The following HYAL4 variants were observed in gnomAD, a reference collection of about 807,000 sequenced individuals.
HYAL4 encodes the protein hyaluronidase-4.
A neutral mutation model predicts 35.2 loss-of-function variants in HYAL4; 37 were observed. The observed-to-expected ratio is 1.05, with a 90% CI of 0.81 to 1.38. The LOEUF is 1.38. Among genes scored for constraint, HYAL4 ranks in the 40% most tolerant of loss-of-function variants. The probability of loss-of-function intolerance (pLI) is 0.00; values close to 1 mark genes in which losing one functional copy is unlikely to be tolerated. For missense variants in HYAL4, 572 were observed against 572.4 expected (o/e 1.00, Z 0.01); for synonymous variants, 198 against 203.2 (o/e 0.97, Z 0.22).
chr7:123,765,212 T>A, the HYAL4 span, among the ~76,000 whole-genome samples: 1 of 151,938 alleles, frequency 6.6e-6, no homozygotes, highest in African/African-American at 2.4e-5. Flanking sequence ...ATAAAAAAAA[T>A]TGTCACTCTG....
intron 4 of HYAL4, 118 bp downstream of exon 4, chr7:123,874,968 G>A (rs1219533871): frequency 6.1e-6 from 4 of 657,778 alleles, no homozygotes; most frequent in Non-Finnish European, 1.1e-5. Flanking sequence ...TTCCAAATCA[G>A]TGCCTGATAC....
the HYAL4 span, among the ~76,000 whole-genome samples, chr7:123,784,471 A>C: frequency 0.25 from 38,589 of 152,092 alleles, 5,223 homozygotes; most frequent in Middle Eastern, 0.35. Context: ...AGCTGCTGAC[A>C]CAGAGTCCTT....
the HYAL4 span, among the ~76,000 whole-genome samples, chr7:123,789,388 C>T: frequency 6.6e-6 from 1 of 152,102 alleles, no homozygotes. Context: ...TGGACAAGGG[C>T]TGACTGGGGA....
the HYAL4 span, among the ~76,000 whole-genome samples, chr7:123,784,743 A>T: frequency 6.6e-6 from 1 of 152,204 alleles, no homozygotes; most frequent in Non-Finnish European, 1.5e-5. Context: ...ATCTGCTTTT[A>T]TTTGAATTTG....
the HYAL4 span, chr7:123,814,765 A>G: frequency 5.2e-5 from 8 of 152,660 alleles, no homozygotes; most frequent in African/African-American, 1.7e-4. Flanking sequence ...ATCTCTATCC[A>G]GACTGCTACA....
At chr7:123,871,160 T>A (rs918607286) in intron 3 of HYAL4, among the ~76,000 whole-genome samples, 1 of 152,048 alleles carries the variant, frequency 6.6e-6, no homozygotes, top group Admixed American at 6.6e-5. Flanking sequence ...GTACCCACCA[T>A]TGTACCCTAT....
At chr7:123,846,832 C>G (rs192034281) in intron 1 of HYAL4, among the ~76,000 whole-genome samples, 1 of 152,216 alleles carries the variant, frequency 6.6e-6, no homozygotes, top group Admixed American at 6.5e-5. Flanking sequence ...GCTGCTTCCT[C>G]TATCCCTGTA....
At chr7:123,788,946 A>G in the HYAL4 span, among the ~76,000 whole-genome samples, 1 of 152,202 alleles carries the variant, frequency 6.6e-6, no homozygotes, top group Non-Finnish European at 1.5e-5. Context: ...TATCTAATAA[A>G]TATTCACCAC....
chr7:123,849,816 G>A (rs1042108125), intron 2 of HYAL4, among the ~76,000 whole-genome samples: 1 of 152,124 alleles, frequency 6.6e-6, no homozygotes, highest in Non-Finnish European at 1.5e-5. Context: ...GCAGTGGACC[G>A]AGATCGCATC....
chr7:123,798,030 C>T, the HYAL4 span, among the ~76,000 whole-genome samples: 1 of 152,188 alleles, frequency 6.6e-6, no homozygotes, highest in Non-Finnish European at 1.5e-5. Context: ...GGTGCTACTT[C>T]CTTACATTTC....
At chr7:123,864,787 T>G (rs1806648832) in intron 2 of HYAL4, among the ~76,000 whole-genome samples, 1 of 150,800 alleles carries the variant, frequency 6.6e-6, no homozygotes. Context: ...CTGAGAGGGG[T>G]CACGTGAGGG....
chr7:123,874,715 T>C, intron 3 of HYAL4, 46 bp from the exon 4 acceptor site: 1 of 1,195,134 alleles, frequency 8.4e-7, no homozygotes, highest in Non-Finnish European at 1.2e-6. Context: ...CCTGGTGGAT[T>C]GTTTTACATT....
intron 2 of HYAL4, among the ~76,000 whole-genome samples, chr7:123,855,593 G>T (rs1562998652): frequency 6.6e-6 from 1 of 152,106 alleles, no homozygotes; most frequent in Non-Finnish European, 1.5e-5. Flanking sequence ...ACTTCCCTTT[G>T]TGGGTAACCT....
At chr7:123,767,040 T>C in the HYAL4 span, among the ~76,000 whole-genome samples, 1 of 152,320 alleles carries the variant, frequency 6.6e-6, no homozygotes, top group South Asian at 2.1e-4. Context: ...GATGTGCAGC[T>C]ATGTATTTAA....
upstream of HYAL4, among the ~76,000 whole-genome samples, chr7:123,828,795 A>C (rs1360150829): frequency 6.6e-6 from 1 of 152,302 alleles, no homozygotes; most frequent in East Asian, 1.9e-4. Context: ...CTCATTACTC[A>C]CATGACCCTA....
chr7:123,820,683 A>G, the HYAL4 span, among the ~76,000 whole-genome samples: 1 of 152,172 alleles, frequency 6.6e-6, no homozygotes, highest in Admixed American at 6.5e-5. Flanking sequence ...ATTGTTAACC[A>G]TAGACACTAT....
the HYAL4 span, among the ~76,000 whole-genome samples, chr7:123,780,228 C>A: frequency 6.6e-6 from 1 of 152,104 alleles, no homozygotes; most frequent in African/African-American, 2.4e-5. Context: ...AATATATATT[C>A]GCTAAGAATT....
chr7:123,847,562 GATCAGGAGAT>G (rs1462318405), intron 1 of HYAL4, among the ~76,000 whole-genome samples: 1 of 152,154 alleles, frequency 6.6e-6, no homozygotes, highest in Non-Finnish European at 1.5e-5. Context: ...TGGATCACAA[GATCAGGAGAT>G]CAAGACCATC....
the HYAL4 span, among the ~76,000 whole-genome samples, chr7:123,795,455 C>T: frequency 2.0e-5 from 3 of 152,118 alleles, no homozygotes; most frequent in East Asian, 3.9e-4. Flanking sequence ...AATTGTAGTT[C>T]CCATAATCCT....
Sources: gnomAD v4.1 joint callset for allele counts (sites outside exome capture counted in the v4.1 genomes callset) on GRCh38, gnomAD v4.1.1 for gene constraint, MANE v1.5 for transcripts, NCBI Gene and HGNC (gene_info 2026-07-23, HGNC 2026-07-21) for gene names.